Variants in ZNF407 observed in about 807,000 individuals in gnomAD.
ZNF407 encodes the protein zinc finger protein 407.
In ZNF407, 17 loss-of-function variants were observed where a neutral mutation model predicts 131.2. That is an observed-to-expected ratio of 0.13 (90% CI 0.09 to 0.19). The LOEUF (loss-of-function observed/expected upper bound fraction) is 0.19. ZNF407 is among the 10% of genes least tolerant of loss of function. The probability of loss-of-function intolerance (pLI) is 1.00; values close to 1 mark genes in which losing one functional copy is unlikely to be tolerated. For synonymous variants in ZNF407, 1,156 were observed against 1,062.0 expected, an observed-to-expected ratio of 1.09 and a Z score of -1.72; for missense variants, 2,681 against 2,830.6, an observed-to-expected ratio of 0.95 and a Z score of 1.20.
chr18:74,744,038 A>T (rs1369005710), intron 3 of ZNF407, among the ~76,000 whole-genome samples: 1 of 152,166 alleles, frequency 6.6e-6, no homozygotes, highest in African/African-American at 2.4e-5. Context: ...TGATTAGTTG[A>T]TTCCAATTTT....
chr18:75,038,633 A>G (rs1973337840), intron 8 of ZNF407, among the ~76,000 whole-genome samples: 1 of 152,232 alleles, frequency 6.6e-6, no homozygotes, highest in South Asian at 2.1e-4. Flanking sequence ...AAAAATTAAC[A>G]TGGACATCAA....
intron 8 of ZNF407, among the ~76,000 whole-genome samples, chr18:75,043,283 T>A (rs533867522): frequency 8.5e-5 from 13 of 152,336 alleles, no homozygotes; most frequent in Non-Finnish European, 1.8e-4. Flanking sequence ...CCAAGCATCT[T>A]TTCATGTATC....
intron 3 of ZNF407, among the ~76,000 whole-genome samples, chr18:74,682,478 C>T (rs1175427376): frequency 1.3e-5 from 2 of 152,156 alleles, no homozygotes; most frequent in Non-Finnish European, 2.9e-5. Context: ...ATTGTTTCAG[C>T]TTTTCAGTGT....
chr18:75,003,769 A>C (rs1972875278), intron 8 of ZNF407, among the ~76,000 whole-genome samples: 1 of 152,164 alleles, frequency 6.6e-6, no homozygotes, highest in African/African-American at 2.4e-5. Flanking sequence ...TGTATTACAC[A>C]TTATTTTGTA....
rs960440580 is a variant in ZNF407 at position 74,968,136 on chromosome 18, G to A, written c.5428+47444G>A. Among the ~76,000 whole-genome samples, 7 of 152,242 alleles carry A rather than the reference G, an allele frequency of 4.6e-5. No individual in the cohort carries two copies. In the South Asian group the frequency reaches 1.5e-3, roughly 32 times the overall value. ...TTATGTGGTCATCATAAAGGCTGGGGTGCTCCTTTTGGAGTATGTCTCTTT... is the reference window on the plus strand; with the variant it reads ...TTATGTGGTCATCATAAAGGCTGGGATGCTCCTTTTGGAGTATGTCTCTTT... On this transcript the variant is annotated intron_variant, in intron 8 of 8. Transcript: ENST00000299687.
chr18:74,639,942 T>A (rs564082477), intron 2 of ZNF407, among the ~76,000 whole-genome samples: 1 of 152,158 alleles, frequency 6.6e-6, no homozygotes, highest in Non-Finnish European at 1.5e-5. Context: ...TACAATTTTT[T>A]AAATTTGAGC....
chr18:74,793,836 G>A (rs76133191), intron 4 of ZNF407, among the ~76,000 whole-genome samples: 4 of 152,152 alleles, frequency 2.6e-5, no homozygotes, highest in Non-Finnish European at 4.4e-5. Context: ...TAGAGGAGAA[G>A]GCCATGAGTC....
At chr18:74,694,344 C>A (rs2144806639) in intron 3 of ZNF407, among the ~76,000 whole-genome samples, 1 of 152,206 alleles carries the variant, frequency 6.6e-6, no homozygotes, top group African/African-American at 2.4e-5. Flanking sequence ...AAGAATCATT[C>A]TGGCTGGTCA....
At chr18:75,011,541 A>C (rs1209222040) in intron 8 of ZNF407, among the ~76,000 whole-genome samples, 2 of 152,222 alleles carry the variant, frequency 1.3e-5, no homozygotes, top group Non-Finnish European at 2.9e-5. Flanking sequence ...ATCTTTGCTT[A>C]CAAAGAATCC....
intron 8 of ZNF407, among the ~76,000 whole-genome samples, chr18:74,980,386 C>T (rs1057309301): frequency 6.6e-6 from 1 of 151,970 alleles, no homozygotes; most frequent in African/African-American, 2.4e-5. Context: ...CAGCTCACTA[C>T]ATCAGCCTCC....
intron 4 of ZNF407, among the ~76,000 whole-genome samples, chr18:74,807,501 G>A (rs7229837): frequency 0.81 from 123,062 of 152,112 alleles, 52,803 homozygotes; most frequent in East Asian, 0.96. Flanking sequence ...CCCTATGATA[G>A]TATTTCAAAC....
rs1159772225 is a variant in ZNF407 at position 74,847,851 on chromosome 18, A to G, written c.4878-29346A>G. Among the ~76,000 whole-genome samples, 3 of 150,486 alleles carry G rather than the reference A, an allele frequency of 2.0e-5. No individual in the cohort carries two copies. In the East Asian group the frequency reaches 5.8e-4, roughly 29 times the overall value. ...TGATATGTATAAAATGAGGTAAAAT[A>G]CAAAAAAAAAAAAACACGCTACCCA... is the stretch of plus-strand genomic sequence containing the variant. On this transcript the variant is annotated intron_variant, in intron 4 of 8. Coordinates refer to ENST00000299687, the MANE Select transcript of ZNF407 (RefSeq NM_017757.3).
intron 3 of ZNF407, among the ~76,000 whole-genome samples, chr18:74,661,380 TTATA>T (rs141086882): frequency 6.8e-6 from 1 of 147,042 alleles, no homozygotes; most frequent in African/African-American, 2.5e-5. Context: ...AATAAAATAA[TTATA>T]TATATATATA....
chr18:74,616,640 A>G (rs1410432527), intron 1 of ZNF407, among the ~76,000 whole-genome samples: 1 of 151,904 alleles, frequency 6.6e-6, no homozygotes, highest in Non-Finnish European at 1.5e-5. Context: ...AAATGTTTCT[A>G]GGACACCTGT....
intron 3 of ZNF407, among the ~76,000 whole-genome samples, chr18:74,666,907 C>CTT (rs1985952592): frequency 6.6e-6 from 1 of 151,622 alleles, no homozygotes; most frequent in Non-Finnish European, 1.5e-5. Context: ...TGTTTTTGGT[C>CTT]ACAGAATATT....
In ZNF407 at chr18:75,017,084, G is replaced by C. The variant is rs1263170435; in HGVS notation, c.5429-46066G>C. Among the ~76,000 whole-genome samples the C allele has an allele frequency of 3.3e-5, 5 of 152,158 alleles. No homozygotes were observed. In the East Asian group the frequency reaches 7.7e-4, roughly 24 times the overall value. The stretch of plus-strand genomic sequence containing the variant: ...TTTTTTCTTTCCATAAATACTTATT[G>C]AGCATCTGCTTATGTTTCAGGTTCA... On this transcript the variant is annotated intron_variant, in intron 8 of 8. Transcript: ENST00000299687.
chr18:74,650,730 A>G (rs1985187930), intron 3 of ZNF407, among the ~76,000 whole-genome samples: 1 of 152,142 alleles, frequency 6.6e-6, no homozygotes, highest in Admixed American at 6.5e-5. Flanking sequence ...CCACGGGAAT[A>G]TTGTTTGTTA....
rs186679585 is a variant in ZNF407, at chr18:74,674,754, G to A, written c.4802+33632G>A. Among the ~76,000 whole-genome samples, 18 of 152,286 alleles carry A rather than the reference G, an allele frequency of 1.2e-4. No homozygotes were observed. In the East Asian group the frequency reaches 2.7e-3, roughly 23 times the overall value. Reference sequence around the variant, plus strand: ...CTATTCCTCTAGTGAAACAGCAATAGGCAATGTGTAAATGAGTTAGTGTGG... The same window carrying A: ...CTATTCCTCTAGTGAAACAGCAATAAGCAATGTGTAAATGAGTTAGTGTGG... On this transcript the variant is annotated intron_variant, in intron 3 of 8. Transcript: ENST00000299687.
intron 3 of ZNF407, among the ~76,000 whole-genome samples, chr18:74,691,421 G>A (rs1165886028): frequency 6.6e-6 from 1 of 151,000 alleles, no homozygotes; most frequent in African/African-American, 2.4e-5. Flanking sequence ...TTTTATTTCA[G>A]CACTTCATAG....
Sources: allele counts gnomAD v4.1 joint callset (sites outside exome capture counted in the v4.1 genomes callset), GRCh38; gene constraint gnomAD v4.1.1; transcripts MANE v1.5; gene names NCBI Gene and HGNC (gene_info 2026-07-23, HGNC 2026-07-21).